The following DRC1 variants were observed in gnomAD, a reference collection of about 807,000 sequenced individuals.
The protein encoded by DRC1 is dynein regulatory complex subunit 1.
In DRC1, 74 loss-of-function variants were observed where a neutral mutation model predicts 98.7. The observed-to-expected ratio is 0.75, with a 90% confidence interval of 0.62 to 0.91. The LOEUF is 0.91. DRC1 is among the 40% of genes least tolerant of loss of function. The probability of loss-of-function intolerance (pLI) is 0.00; values close to 1 mark genes in which losing one functional copy is unlikely to be tolerated. For synonymous variants in DRC1, 336 were observed against 334.1 expected (o/e 1.01, Z -0.06); for missense variants, 875 against 886.0 (o/e 0.99, Z 0.16).
chr2:26,456,377 T>A (rs1572391513), intron 16 of DRC1, 84 bp from the exon 17 acceptor site: 2 of 1,555,736 alleles, frequency 1.3e-6, no homozygotes, highest in African/African-American at 2.7e-5. Context: ...TGGAGGCCCA[T>A]GGGAGAGCCA....
intron 4 of DRC1, among the ~76,000 whole-genome samples, chr2:26,427,061 A>AT (rs796983288): frequency 5.9e-5 from 9 of 152,056 alleles, no homozygotes; most frequent in African/African-American, 2.2e-4. Context: ...TCTATTTTGG[A>AT]TTGGTCATTA....
At chr2:26,409,892 A>G (rs1015140768) in intron 1 of DRC1, among the ~76,000 whole-genome samples, 1 of 152,158 alleles carries the variant, frequency 6.6e-6, no homozygotes, top group Non-Finnish European at 1.5e-5. Context: ...TGAATGGTAG[A>G]TATGAAAATT....
intron 7 of DRC1, among the ~76,000 whole-genome samples, chr2:26,435,601 T>G (rs1558447047): frequency 6.6e-6 from 1 of 152,180 alleles, no homozygotes; most frequent in East Asian, 1.9e-4. Flanking sequence ...GGCCCCAGTG[T>G]CTACTGTTCC....
rs765601461 is a variant in DRC1 at position 26,444,244 on chromosome 2, C to T, written c.1051C>T (p.Leu351=). The change falls in exon 9 of 17, where the codon CTG becomes TTG. Residue 351 remains leucine (L), a synonymous_variant. Transcript: ENST00000288710. The stretch of plus-strand genomic sequence containing the variant: ...CAGCCTGCATGATATACTTAACAAT[C>T]TGAGATCAAAATATGCCAAGCAAAT... ...INRLHDILNN[L]RSKYAKQIKQ... 1 of 1,614,144 alleles carries T rather than the reference C, an allele frequency of 6.2e-7. No homozygotes were observed. Among genetic ancestry groups the T allele is most frequent in the Non-Finnish European group, 8.5e-7 (1 of 1,180,030 alleles).
chr2:26,450,246 T>C (rs892882648), intron 12 of DRC1, among the ~76,000 whole-genome samples, 161 bp downstream of exon 12: 2 of 152,106 alleles, frequency 1.3e-5, no homozygotes, highest in African/African-American at 2.4e-5. Context: ...ACACAACACA[T>C]TGGTCTCAGA....
At chr2:26,415,620 C>T (rs962327113) in intron 2 of DRC1, among the ~76,000 whole-genome samples, 5 of 152,028 alleles carry the variant, frequency 3.3e-5, no homozygotes, top group South Asian at 2.1e-4. Flanking sequence ...TTTTGTACTT[C>T]GTTCTCTTCA....
At chr2:26,429,607 C>A in intron 4 of DRC1, 21 bp from the exon 5 acceptor site, 1 of 1,611,974 alleles carries the variant, frequency 6.2e-7, no homozygotes, top group Non-Finnish European at 8.5e-7. Flanking sequence ...TGTGGCCAGA[C>A]TTTTACATGC....
intron 2 of DRC1, 197 bp from the exon 3 acceptor site, chr2:26,421,091 G>A: frequency 2.3e-6 from 1 of 431,630 alleles, no homozygotes; most frequent in South Asian, 2.4e-5. Context: ...TTTAAATTGT[G>A]AGCTGTAAAA....
In DRC1 at chr2:26,445,182, A is replaced by G. The variant is rs189010268; in HGVS notation, c.1396+234A>G. Among the ~76,000 whole-genome samples, 154 of 152,280 alleles carry G rather than the reference A, an allele frequency of 1.0e-3. 2 individuals are homozygous for G. Among genetic ancestry groups the G allele is most frequent in the Non-Finnish European group, 5.3e-4 (36 of 68,024 alleles). ...CCAATTTATTTTTGCTAAGTACACT[A>G]TTGTGTAGTACCTCCATCGGGATAA... On this transcript the variant is annotated intron_variant, in intron 10 of 16. Transcript: ENST00000288710.
intron 1 of DRC1, among the ~76,000 whole-genome samples, chr2:26,408,287 G>C (rs1363633783): frequency 2.0e-5 from 3 of 151,966 alleles, no homozygotes; most frequent in African/African-American, 7.3e-5. Context: ...GGGGATGCTA[G>C]ACAGAGGCGA....
At chr2:26,450,226 C>T (rs1179915910) in intron 12 of DRC1, 141 bp downstream of exon 12, 1 of 753,780 alleles carries the variant, frequency 1.3e-6, no homozygotes, top group Non-Finnish European at 2.2e-6. Context: ...CTTCCCTTAA[C>T]CTACTCTCCA....
rs561125488 is a variant in DRC1 at position 26,432,901 on chromosome 2, A to G, written c.888+895A>G. Reference sequence around the variant, plus strand: ...ACGATAAACCCTGGATTCAAATCCAATTCTGTCTGGCTCAAAAGCCTATAT... The same window carrying G: ...ACGATAAACCCTGGATTCAAATCCAGTTCTGTCTGGCTCAAAAGCCTATAT... On this transcript the variant is annotated intron_variant, in intron 7 of 16. Coordinates refer to ENST00000288710, the MANE Select transcript of DRC1 (RefSeq NM_145038.5). 5.9e-5 allele frequency among the ~76,000 whole-genome samples: 9 copies of G among 152,372 alleles called. No individual in the cohort carries two copies. The South Asian group carries it at 8.3e-4, about 14-fold the overall frequency.
intron 4 of DRC1, among the ~76,000 whole-genome samples, chr2:26,428,195 A>T (rs1663334496): frequency 1.3e-5 from 2 of 152,256 alleles, no homozygotes; most frequent in South Asian, 4.1e-4. Flanking sequence ...TAAACTTTTA[A>T]CTAGAAGTAA....
In DRC1 at chr2:26,446,535, C is replaced by T. The variant is rs372590655; in HGVS notation, c.1396+1587C>T. Among the ~76,000 whole-genome samples the T allele has an allele frequency of 5.1e-4, 77 of 152,176 alleles. No individual in the cohort carries two copies. In the South Asian group the frequency reaches 0.016, roughly 31 times the overall value. ...AATAAATCATGAGTTCATTCTAATA[C>T]CTCCTCATCAACAGGATGCCAGGAT... On this transcript the variant is annotated intron_variant, in intron 10 of 16. Transcript: ENST00000288710.
chr2:26,425,875 AT>A (rs199801693), intron 4 of DRC1, among the ~76,000 whole-genome samples: 49 of 149,032 alleles, frequency 3.3e-4, no homozygotes, highest in African/African-American at 1.0e-3. Context: ...CTTAGTCTTG[AT>A]TTTTTTTTTG....
In DRC1 at chr2:26,429,741, T is replaced by A; in HGVS notation, c.654T>A (p.Phe218Leu). The change falls in exon 5 of 17, where the codon TTT becomes TTA. Residue 218 changes from phenylalanine to leucine, a missense_variant. Physicochemically the swap from Phe to Leu is conservative, Grantham distance 22. Coordinates refer to ENST00000288710, the MANE Select transcript of DRC1 (RefSeq NM_145038.5). Reference protein sequence around the residue: ...EEQVKNVMKTFREELYNIEKA... With the variant: ...EEQVKNVMKTLREELYNIEKA... ...AGGTGAAGAATGTGATGAAAACCTT[T>A]CGTGAGGAGCTCTATAACATTGAGG... 6.2e-7 allele frequency: 1 copy of A among 1,614,048 alleles called. No homozygotes were observed. Among genetic ancestry groups the A allele is most frequent in the Non-Finnish European group, 8.5e-7 (1 of 1,179,998 alleles).
intron 7 of DRC1, among the ~76,000 whole-genome samples, chr2:26,437,325 G>T (rs780771245): frequency 2.0e-5 from 3 of 152,136 alleles, no homozygotes; most frequent in Non-Finnish European, 2.9e-5. Flanking sequence ...AGGTCCTTTG[G>T]GATACTGTTC....
intron 4 of DRC1, among the ~76,000 whole-genome samples, chr2:26,429,248 C>T (rs1162769824): frequency 1.3e-5 from 2 of 151,342 alleles, no homozygotes; most frequent in Non-Finnish European, 2.9e-5. Context: ...CAGGATCTTG[C>T]TCCATCTCCC....
At chr2:26,403,365 C>T (rs1678314487) in intron 1 of DRC1, among the ~76,000 whole-genome samples, 1 of 152,116 alleles carries the variant, frequency 6.6e-6, no homozygotes, top group African/African-American at 2.4e-5. Context: ...GTGACACGAG[C>T]CCACCAGTAT....
Sources: allele counts gnomAD v4.1 joint callset (sites outside exome capture counted in the v4.1 genomes callset), GRCh38; gene constraint gnomAD v4.1.1; transcripts MANE v1.5; gene names NCBI Gene and HGNC (gene_info 2026-07-23, HGNC 2026-07-21).